Variants in SNTG1 observed in about 807,000 individuals in gnomAD.
The protein encoded by SNTG1 is syntrophin gamma 1, also known as gamma-1-syntrophin.
Under a neutral mutation model 74.7 loss-of-function variants are expected in SNTG1, and 39 were observed. The observed-to-expected ratio is 0.52, with a 90% CI of 0.40 to 0.68. The LOEUF (loss-of-function observed/expected upper bound fraction) is 0.68. Ranked by LOEUF, SNTG1 falls within the 30% of genes least tolerant of loss-of-function variation. The pLI is 0.00. For missense variants in SNTG1, 685 were observed against 609.5 expected (o/e 1.12, Z -1.30); for synonymous variants, 254 against 217.1 (o/e 1.17, Z -1.49).
At chr8:50,332,131 C>T (rs918710636) in intron 2 of SNTG1, among the ~76,000 whole-genome samples, 1 of 152,110 alleles carries the variant, frequency 6.6e-6, no homozygotes, top group East Asian at 1.9e-4. Flanking sequence ...GCTAGACAAC[C>T]CCAAAATTTT....
chr8:50,083,017 C>T (rs190624482), intron 1 of SNTG1, among the ~76,000 whole-genome samples: 5 of 152,208 alleles, frequency 3.3e-5, no homozygotes, highest in Admixed American at 2.0e-4. Context: ...TGAAGTGAGT[C>T]CTTTCTGACA....
At chr8:50,762,683 T>C in intron 18 of SNTG1, 2 of 475,226 alleles carry the variant, frequency 4.2e-6, no homozygotes, top group South Asian at 3.0e-5. Flanking sequence ...ACCTGTCTTC[T>C]ACCCGAAGAG....
intron 13 of SNTG1, among the ~76,000 whole-genome samples, chr8:50,627,343 G>A (rs141676872): frequency 6.6e-6 from 1 of 152,170 alleles, no homozygotes; most frequent in Non-Finnish European, 1.5e-5. Flanking sequence ...ATGGATTAAA[G>A]CTGCTATAAA....
intron 1 of SNTG1, among the ~76,000 whole-genome samples, chr8:50,139,071 A>G (rs1479184454): frequency 6.6e-6 from 1 of 152,156 alleles, no homozygotes; most frequent in Non-Finnish European, 1.5e-5. Flanking sequence ...TGTAATGTGT[A>G]TATTTGCTTA....
At chr8:50,422,503 A>G (rs1311456593) in intron 4 of SNTG1, among the ~76,000 whole-genome samples, 1 of 152,158 alleles carries the variant, frequency 6.6e-6, no homozygotes, top group Non-Finnish European at 1.5e-5. Context: ...ATTGCAGTAA[A>G]TAAAGAAAGA....
At chr8:50,254,810 G>A (rs1457435937) in intron 2 of SNTG1, among the ~76,000 whole-genome samples, 3 of 150,164 alleles carry the variant, frequency 2.0e-5, no homozygotes, top group African/African-American at 5.0e-5. Flanking sequence ...TGAGCCACGA[G>A]CCACTGCACT....
At position 50,029,522 on chromosome 8, in the gene SNTG1, G is replaced by A. The variant is rs115181320; in HGVS notation, c.-103+117291G>A. ...CTCCCCACTTCTCTTCCTGCCCTCT[G>A]GTAACCATCATTCTATTCTTTATGT... is the stretch of plus-strand genomic sequence containing the variant. On this transcript the variant is annotated intron_variant, in intron 1 of 18. Transcript: ENST00000642720. 9.7e-4 allele frequency among the ~76,000 whole-genome samples: 147 copies of A among 151,574 alleles called. 1 individual carries two copies. The highest frequency in any genetic ancestry group is 3.3e-3 in the African/African-American group (138 of 41,362).
chr8:49,964,030 A>G (rs1244021243), intron 1 of SNTG1, among the ~76,000 whole-genome samples: 1 of 152,236 alleles, frequency 6.6e-6, no homozygotes, highest in Non-Finnish European at 1.5e-5. Flanking sequence ...TATGCCTCAC[A>G]AAAGTCACAG....
At chr8:50,778,548 T>C (rs1248308538) in intron 18 of SNTG1, among the ~76,000 whole-genome samples, 3 of 152,076 alleles carry the variant, frequency 2.0e-5, no homozygotes, top group South Asian at 4.2e-4. Flanking sequence ...TTTGATGGGG[T>C]TGTTTGTTTC....
chr8:50,002,814 G>T (rs1814868044), intron 1 of SNTG1, among the ~76,000 whole-genome samples: 1 of 152,076 alleles, frequency 6.6e-6, no homozygotes, highest in Non-Finnish European at 1.5e-5. Flanking sequence ...AATAGCAACA[G>T]AATTTGTAAT....
chr8:50,654,163 A>G (rs896559680), intron 13 of SNTG1, among the ~76,000 whole-genome samples: 2 of 152,034 alleles, frequency 1.3e-5, no homozygotes, highest in Non-Finnish European at 2.9e-5. Context: ...CTTTCAATAT[A>G]TCTTCTGTTC....
chr8:50,717,747 A>G (rs1417576683), intron 17 of SNTG1, among the ~76,000 whole-genome samples: 2 of 152,354 alleles, frequency 1.3e-5, no homozygotes, highest in Admixed American at 1.3e-4. Flanking sequence ...GGCTTATGGT[A>G]AAGTGTAAGC....
chr8:50,035,485 T>C (rs1196574452), intron 1 of SNTG1, among the ~76,000 whole-genome samples: 4 of 152,168 alleles, frequency 2.6e-5, no homozygotes, highest in Admixed American at 6.5e-5. Flanking sequence ...TTCCCAGAGA[T>C]GGCACATGAG....
intron 2 of SNTG1, among the ~76,000 whole-genome samples, chr8:50,309,080 A>T (rs529083054): frequency 4.0e-5 from 6 of 150,602 alleles, no homozygotes; most frequent in South Asian, 2.1e-4. Context: ...TAGAAGAAAT[A>T]AAAAAAAAAT....
intron 1 of SNTG1, among the ~76,000 whole-genome samples, chr8:49,954,820 T>C (rs1219250273): frequency 1.3e-5 from 2 of 152,178 alleles, no homozygotes; most frequent in African/African-American, 4.8e-5. Context: ...TCTTATTGTA[T>C]TACTCCAAAG....
chr8:50,509,560 C>A (rs2094045359), intron 9 of SNTG1, among the ~76,000 whole-genome samples: 1 of 152,058 alleles, frequency 6.6e-6, no homozygotes, highest in African/African-American at 2.4e-5. Context: ...ATGGAATGTT[C>A]TTCCATTTGT....
intron 2 of SNTG1, among the ~76,000 whole-genome samples, chr8:50,259,391 C>A (rs2087042270): frequency 6.6e-6 from 1 of 150,844 alleles, no homozygotes; most frequent in Non-Finnish European, 1.5e-5. Flanking sequence ...CCTAGCTACC[C>A]AGGAGGCTGA....
At chr8:50,245,905 C>T (rs925102938) in intron 2 of SNTG1, among the ~76,000 whole-genome samples, 3 of 151,784 alleles carry the variant, frequency 2.0e-5, no homozygotes, top group East Asian at 1.9e-4. Flanking sequence ...AAAACTTTGT[C>T]GATTATTAAG....
chr8:50,095,810 T>C (rs977110583), intron 1 of SNTG1, among the ~76,000 whole-genome samples: 2 of 152,206 alleles, frequency 1.3e-5, no homozygotes, highest in African/African-American at 4.8e-5. Context: ...GAATCTCTCC[T>C]TTGTGGTCAG....
Sources: allele counts gnomAD v4.1 joint callset (sites outside exome capture counted in the v4.1 genomes callset), GRCh38; gene constraint gnomAD v4.1.1; transcripts MANE v1.5; gene names NCBI Gene and HGNC (gene_info 2026-07-23, HGNC 2026-07-21).